The following CFAP54 variants were observed in gnomAD, a reference collection of about 807,000 sequenced individuals.
CFAP54 encodes the protein cilia- and flagella-associated protein 54.
A neutral mutation model predicts 370.4 loss-of-function variants in CFAP54; 290 were observed. That is an observed-to-expected ratio of 0.78 (90% CI 0.71 to 0.86). The LOEUF is 0.86. Among genes scored for constraint, CFAP54 ranks in the 40% least tolerant of loss-of-function variants. The pLI, the probability that CFAP54 is intolerant of heterozygous loss-of-function variation, is 0.00. For synonymous variants in CFAP54, 1,206 were observed against 1,236.5 expected (o/e 0.98, Z 0.52); for missense variants, 3,399 against 3,528.7 (o/e 0.96, Z 0.93).
chr12:96,527,777 C>T (rs1454377345), intron 9 of CFAP54, among the ~76,000 whole-genome samples: 3 of 152,078 alleles, frequency 2.0e-5, no homozygotes, highest in Non-Finnish European at 4.4e-5. Context: ...CCGTGTTTCC[C>T]AGTCTGGTCT....
At chr12:96,539,048 C>T (rs561242191) in intron 13 of CFAP54, among the ~76,000 whole-genome samples, 19 of 149,064 alleles carry the variant, frequency 1.3e-4, no homozygotes, top group Non-Finnish European at 2.1e-4. Context: ...TGAGCCACCA[C>T]GCCCGGCCTT....
chr12:96,818,532 T>C (rs73383058), intron 65 of CFAP54, among the ~76,000 whole-genome samples: 4,690 of 152,258 alleles, frequency 0.031, 237 homozygotes, highest in African/African-American at 0.1. Context: ...TAAAGCTGAT[T>C]AGTGAACTTG....
At chr12:96,792,669 G>A (rs1235070788) in intron 63 of CFAP54, among the ~76,000 whole-genome samples, 170 bp downstream of exon 63, 1 of 151,982 alleles carries the variant, frequency 6.6e-6, no homozygotes, top group African/African-American at 2.4e-5. Flanking sequence ...AAGAAATCGG[G>A]GAAAGTCTGA....
intron 15 of CFAP54, 59 bp downstream of exon 15, chr12:96,548,037 T>C: frequency 2.6e-6 from 2 of 758,018 alleles, no homozygotes; most frequent in Non-Finnish European, 4.1e-6. Context: ...TCAAATAATA[T>C]TAAATTTGTA....
intron 11 of CFAP54, among the ~76,000 whole-genome samples, chr12:96,534,879 T>G (rs1311502671): frequency 6.6e-6 from 1 of 152,098 alleles, no homozygotes; most frequent in Non-Finnish European, 1.5e-5. Context: ...CTACCATATT[T>G]TATGTGCACT....
chr12:96,738,540 G>A (rs1275334379), intron 50 of CFAP54, among the ~76,000 whole-genome samples: 1 of 151,462 alleles, frequency 6.6e-6, no homozygotes, highest in East Asian at 1.9e-4. Context: ...CAGTCCTGTT[G>A]CATGGCCCTC....
intron 25 of CFAP54, among the ~76,000 whole-genome samples, chr12:96,596,886 C>T (rs1956185707): frequency 6.6e-6 from 1 of 151,962 alleles, no homozygotes; most frequent in South Asian, 2.1e-4. Flanking sequence ...CACAGGAGAG[C>T]AAATCCAAGT....
chr12:96,542,645 C>T (rs1955589462), intron 14 of CFAP54, among the ~76,000 whole-genome samples: 1 of 152,232 alleles, frequency 6.6e-6, no homozygotes, highest in East Asian at 1.9e-4. Context: ...CAGCAAATAC[C>T]ACCCCACCAT....
intron 27 of CFAP54, among the ~76,000 whole-genome samples, chr12:96,622,015 T>C (rs186986871): frequency 4.4e-4 from 66 of 151,086 alleles, no homozygotes; most frequent in African/African-American, 1.4e-3. Flanking sequence ...TTACACCCAG[T>C]TGGACACTGG....
intron 4 of CFAP54, among the ~76,000 whole-genome samples, chr12:96,510,533 C>T (rs940047517): frequency 1.3e-5 from 2 of 152,156 alleles, no homozygotes; most frequent in African/African-American, 4.8e-5. Context: ...CCCAGTTCCC[C>T]GTTACTGGCA....
chr12:96,777,048 T>C (rs1331365769), intron 60 of CFAP54, among the ~76,000 whole-genome samples: 1 of 152,228 alleles, frequency 6.6e-6, no homozygotes, highest in African/African-American at 2.4e-5. Context: ...AAGTCAGGTA[T>C]ACTTCTTTCA....
At chr12:96,614,182 A>T (rs1956391351) in intron 26 of CFAP54, among the ~76,000 whole-genome samples, 1 of 152,244 alleles carries the variant, frequency 6.6e-6, no homozygotes, top group Non-Finnish European at 1.5e-5. Context: ...AGGGGGCTTC[A>T]TCCCTGGGAT....
intron 9 of CFAP54, 44 bp from the exon 10 acceptor site, chr12:96,533,748 T>C (rs1378791599): frequency 1.8e-5 from 24 of 1,331,698 alleles, no homozygotes; most frequent in Non-Finnish European, 2.2e-5. Context: ...AATAAATATT[T>C]ATTTGCATGA....
chr12:96,545,461 G>A (rs1047353172), intron 14 of CFAP54, among the ~76,000 whole-genome samples: 1 of 151,926 alleles, frequency 6.6e-6, no homozygotes, highest in Non-Finnish European at 1.5e-5. Context: ...ATATGAGTGA[G>A]TGTAAGATAT....
intron 58 of CFAP54, among the ~76,000 whole-genome samples, chr12:96,762,370 A>G (rs1363589737): frequency 1.3e-5 from 2 of 152,216 alleles, no homozygotes; most frequent in African/African-American, 2.4e-5. Flanking sequence ...AAAGAAAGAC[A>G]CTTTACTTCT....
At chr12:96,770,102 A>G (rs1040868534) in intron 60 of CFAP54, among the ~76,000 whole-genome samples, 19 of 152,028 alleles carry the variant, frequency 1.2e-4, no homozygotes, top group African/African-American at 4.1e-4. Flanking sequence ...GGGGAACTGG[A>G]TTGGTATATT....
intron 63 of CFAP54, among the ~76,000 whole-genome samples, chr12:96,796,599 C>G (rs762337475): frequency 9.2e-5 from 14 of 152,084 alleles, no homozygotes; most frequent in Non-Finnish European, 1.6e-4. Flanking sequence ...GGGCCAATAT[C>G]TTCTCTGGTA....
chr12:96,625,653 A>T, intron 28 of CFAP54, 65 bp from the exon 29 acceptor site: 1 of 931,688 alleles, frequency 1.1e-6, no homozygotes, highest in Non-Finnish European at 1.6e-6. Context: ...ATTGTGAATT[A>T]CTCAAAAAAT....
intron 50 of CFAP54, among the ~76,000 whole-genome samples, chr12:96,728,083 A>T (rs1431357613): frequency 3.9e-5 from 6 of 152,114 alleles, no homozygotes; most frequent in Non-Finnish European, 7.4e-5. Flanking sequence ...TGGGTAACCC[A>T]ACCTTTCTCT....
Sources: allele counts gnomAD v4.1 joint callset (sites outside exome capture counted in the v4.1 genomes callset), GRCh38; gene constraint gnomAD v4.1.1; transcripts MANE v1.5; gene names NCBI Gene and HGNC (gene_info 2026-07-23, HGNC 2026-07-21).